Variants in PLD1 observed in about 807,000 individuals in gnomAD.
PLD1 encodes phospholipase D1.
In PLD1, 112 loss-of-function variants were observed where a neutral mutation model predicts 137.1. That is an observed-to-expected ratio of 0.82 (90% confidence interval 0.70 to 0.96). The LOEUF (loss-of-function observed/expected upper bound fraction) is 0.96. PLD1 is among the 40% of genes least tolerant of loss of function. The pLI, the probability that PLD1 is intolerant of heterozygous loss-of-function variation, is 0.00. For missense variants in PLD1, 1,321 were observed against 1,342.0 expected (o/e 0.98, Z 0.24); for synonymous variants, 431 against 454.7 (o/e 0.95, Z 0.66).
At chr3:171,776,802 C>A (rs2108336980) in intron 1 of PLD1, among the ~76,000 whole-genome samples, 1 of 152,150 alleles carries the variant, frequency 6.6e-6, no homozygotes, top group South Asian at 2.1e-4. Flanking sequence ...CTATTCTAAC[C>A]CTGCAAAGTG....
At chr3:171,629,095 T>C (rs1734416362) in intron 23 of PLD1, among the ~76,000 whole-genome samples, 2 of 150,938 alleles carry the variant, frequency 1.3e-5, no homozygotes, top group African/African-American at 2.4e-5. Flanking sequence ...GATGACATGA[T>C]TGTATATCTA....
Position 171,692,710 on chromosome 3 carries a change from A to G in PLD1, c.1228-268T>C, listed in dbSNP as rs369684330. Among the ~76,000 whole-genome samples, 11 of 152,170 alleles carry G rather than the reference A, an allele frequency of 7.2e-5. No homozygotes were observed. The South Asian group carries it at 8.3e-4, about 11-fold the overall frequency. ...TAATTTTTGTATTTCTAGTAGAGACAGGATTTCGCCATGTTGGCCAGGCTG... is the reference window on the plus strand; with the variant it reads ...TAATTTTTGTATTTCTAGTAGAGACGGGATTTCGCCATGTTGGCCAGGCTG... On this transcript the variant is annotated intron_variant, in intron 12 of 26. Transcript: ENST00000351298.
chr3:171,756,224 T>C (rs1243063308), intron 1 of PLD1, among the ~76,000 whole-genome samples: 1 of 152,226 alleles, frequency 6.6e-6, no homozygotes, highest in Admixed American at 6.5e-5. Context: ...GTCTTGATGC[T>C]GTGGTCCTAG....
intron 21 of PLD1, among the ~76,000 whole-genome samples, chr3:171,654,727 G>T (rs1737050499): frequency 6.6e-6 from 1 of 152,064 alleles, no homozygotes; most frequent in African/African-American, 2.4e-5. Context: ...TCAAAGAAAG[G>T]TTTCAAGTGG....
At chr3:171,630,146 T>A (rs1267461012) in intron 23 of PLD1, among the ~76,000 whole-genome samples, 2 of 148,894 alleles carry the variant, frequency 1.3e-5, no homozygotes, top group African/African-American at 4.9e-5. Flanking sequence ...GAATCTACAA[T>A]GAACTCAAAC....
intron 16 of PLD1, among the ~76,000 whole-genome samples, chr3:171,678,334 C>A (rs1160983435): frequency 6.6e-6 from 1 of 152,186 alleles, no homozygotes; most frequent in Admixed American, 6.5e-5. Flanking sequence ...CAGCTAAAAT[C>A]TGTTGCGCTT....
At chr3:171,723,709 C>A (rs1011699239) in intron 8 of PLD1, among the ~76,000 whole-genome samples, 1 of 152,116 alleles carries the variant, frequency 6.6e-6, no homozygotes, top group Admixed American at 6.5e-5. Context: ...ATTTGCATTT[C>A]TCTGATGATC....
At chr3:171,707,204 G>T (rs1279324134) in intron 11 of PLD1, among the ~76,000 whole-genome samples, 1 of 152,090 alleles carries the variant, frequency 6.6e-6, no homozygotes, top group Non-Finnish European at 1.5e-5. Context: ...TAACTAGTGG[G>T]TACAAGACTT....
At chr3:171,809,238 A>T (rs1477510702) in intron 1 of PLD1, 1 of 152,272 alleles carries the variant, frequency 6.6e-6, no homozygotes, top group South Asian at 2.1e-4. Flanking sequence ...GCTGTCTACA[A>T]ATTCAAGCTA....
At chr3:171,779,342 T>A (rs951960981) in intron 1 of PLD1, among the ~76,000 whole-genome samples, 2 of 152,084 alleles carry the variant, frequency 1.3e-5, no homozygotes, top group Non-Finnish European at 2.9e-5. Context: ...GATTATCTGA[T>A]GTGGGTCGTG....
At chr3:171,730,029 C>A (rs1402656411) in intron 6 of PLD1, among the ~76,000 whole-genome samples, 1 of 152,144 alleles carries the variant, frequency 6.6e-6, no homozygotes, top group South Asian at 2.1e-4. Context: ...GGAAATTGTA[C>A]AATTTGTTCC....
At chr3:171,697,373 T>C (rs546794633) in intron 12 of PLD1, among the ~76,000 whole-genome samples, 2 of 151,224 alleles carry the variant, frequency 1.3e-5, no homozygotes, top group South Asian at 2.1e-4. Context: ...GCCTCCCGGG[T>C]AGCTGGGACT....
At chr3:171,773,668 G>A (rs565067883) in intron 1 of PLD1, among the ~76,000 whole-genome samples, 6 of 152,256 alleles carry the variant, frequency 3.9e-5, no homozygotes, top group South Asian at 2.1e-4. Context: ...AAGCTCTTCC[G>A]ATGAGCCAAG....
intron 24 of PLD1, among the ~76,000 whole-genome samples, chr3:171,619,441 T>C (rs879767630): frequency 3.3e-5 from 5 of 152,210 alleles, no homozygotes; most frequent in Admixed American, 6.5e-5. Context: ...AAGTCTCCTG[T>C]GTATCCTTGA....
chr3:171,805,870 G>A lies in PLD1; in HGVS notation c.-32+4529C>T, dbSNP rs1210151796. Among the ~76,000 whole-genome samples, 3 of 152,244 alleles carry A rather than the reference G, an allele frequency of 2.0e-5. No individual in the cohort carries two copies. In the East Asian group the frequency reaches 5.8e-4, roughly 29 times the overall value. ...GTGGGATCTCACTATGCCTCAAACTGCCTCATCTATAAAATGGGCATAGGC... is the reference window on the plus strand; with the variant it reads ...GTGGGATCTCACTATGCCTCAAACTACCTCATCTATAAAATGGGCATAGGC... On this transcript the variant is annotated intron_variant, in intron 1 of 26. Coordinates refer to ENST00000351298, the MANE Select transcript of PLD1 (RefSeq NM_002662.5).
intron 1 of PLD1, among the ~76,000 whole-genome samples, chr3:171,747,958 A>C (rs1187813936): frequency 6.6e-6 from 1 of 152,262 alleles, no homozygotes; most frequent in Non-Finnish European, 1.5e-5. Context: ...GTTTTACATG[A>C]ATATGAAGTT....
At position 171,646,834 on chromosome 3, in the gene PLD1, C is replaced by A. The variant is rs971938706; in HGVS notation, c.2430-1811G>T. Among the ~76,000 whole-genome samples the A allele has an allele frequency of 4.8e-4, 73 of 152,106 alleles. 1 individual carries two copies. Among genetic ancestry groups the A allele is most frequent in the Non-Finnish European group, 4.4e-5 (3 of 68,026 alleles). On this transcript the variant is annotated intron_variant, in intron 21 of 26. Transcript: ENST00000351298. ...GGATTATACTGCCTTACAGTATAATCCTCCCATCACCACAGCCCAGTGACA... is the reference window on the plus strand; with the variant it reads ...GGATTATACTGCCTTACAGTATAATACTCCCATCACCACAGCCCAGTGACA...
chr3:171,692,105 T>C (rs1467738279), intron 13 of PLD1, among the ~76,000 whole-genome samples: 1 of 152,172 alleles, frequency 6.6e-6, no homozygotes, highest in Non-Finnish European at 1.5e-5. Flanking sequence ...AACTCTCACT[T>C]TCAATTATCA....
intron 11 of PLD1, among the ~76,000 whole-genome samples, chr3:171,705,128 CCT>C (rs1322138138): frequency 6.6e-6 from 1 of 152,072 alleles, no homozygotes; most frequent in Non-Finnish European, 1.5e-5. Context: ...GGTTGGGGAC[CCT>C]GTCATAGCGG....
Sources: allele counts gnomAD v4.1 joint callset (sites outside exome capture counted in the v4.1 genomes callset), GRCh38; gene constraint gnomAD v4.1.1; transcripts MANE v1.5; gene names NCBI Gene and HGNC (gene_info 2026-07-23, HGNC 2026-07-21).